NXN: variants seen among roughly 807,000 people sequenced by gnomAD.
NXN encodes nucleoredoxin.
In NXN, 16 loss-of-function variants were observed where a neutral mutation model predicts 48.6. That is an observed-to-expected ratio of 0.33 (90% confidence interval 0.22 to 0.50). The LOEUF (loss-of-function observed/expected upper bound fraction) is 0.50. Ranked by LOEUF, NXN falls within the 20% of genes least tolerant of loss-of-function variation. NXN has a pLI of 0.98. For synonymous variants in NXN, 281 were observed against 269.6 expected (o/e 1.04, Z -0.41); for missense variants, 492 against 605.5 (o/e 0.81, Z 1.97).
At chr17:934,449 GA>G (rs145868182) in intron 1 of NXN, among the ~76,000 whole-genome samples, 14,586 of 138,490 alleles carry the variant, frequency 0.11, 968 homozygotes, top group Middle Eastern at 0.21. Context: ...CTGTCTCAAA[GA>G]AAAAAAAAAA....
chr17:878,487 C>T (rs1344508795), intron 1 of NXN, among the ~76,000 whole-genome samples: 1 of 7,326 alleles, frequency 1.4e-4, no homozygotes, highest in Non-Finnish European at 2.6e-4. Flanking sequence ...GGTGTGGGGG[C>T]AGGGGAGGGG....
intron 1 of NXN, among the ~76,000 whole-genome samples, chr17:924,783 G>A (rs8076290): frequency 0.16 from 24,448 of 152,148 alleles, 2,985 homozygotes; most frequent in African/African-American, 0.34. Flanking sequence ...GCCTCATTCA[G>A]TTTTAAAATG....
chr17:860,023 G>A (rs2068025611), intron 1 of NXN, among the ~76,000 whole-genome samples: 1 of 152,176 alleles, frequency 6.6e-6, no homozygotes, highest in African/African-American at 2.4e-5. Context: ...AAGTTGGAAA[G>A]GGTGAGTCAG....
intron 1 of NXN, among the ~76,000 whole-genome samples, chr17:940,439 G>A (rs2068958536): frequency 6.6e-6 from 1 of 152,112 alleles, no homozygotes; most frequent in South Asian, 2.1e-4. Context: ...AGATGTTTTG[G>A]TAAAAAGAAG....
intron 5 of NXN, among the ~76,000 whole-genome samples, chr17:808,203 C>T (rs1911688778): frequency 6.6e-6 from 1 of 152,210 alleles, no homozygotes; most frequent in South Asian, 2.1e-4. Context: ...CCTCCCTCTG[C>T]TCCTGGGGGA....
intron 1 of NXN, chr17:959,150 C>T: frequency 1.7e-6 from 1 of 575,154 alleles, no homozygotes; most frequent in Admixed American, 3.8e-5. Flanking sequence ...GAGCCGAGCG[C>T]CCCTACGGAA....
At chr17:900,918 T>C (rs1387955224) in intron 1 of NXN, among the ~76,000 whole-genome samples, 10 of 102,718 alleles carry the variant, frequency 9.7e-5, no homozygotes, top group African/African-American at 3.8e-4. Context: ...GCATTCTTTT[T>C]TTTTTTTTTT....
chr17:961,146 C>T (rs112062352), intron 1 of NXN, among the ~76,000 whole-genome samples: 3,680 of 152,008 alleles, frequency 0.024, 122 homozygotes, highest in African/African-American at 0.083. Context: ...GTAATCCCAG[C>T]ACTTTGGGAG....
rs187150955 is a variant in NXN at position 967,110 on chromosome 17, C to A, written c.360+12209G>T. On this transcript the variant is annotated intron_variant, in intron 1 of 7. Transcript: ENST00000336868. Reference sequence around the variant, plus strand: ...CCTGATTTTTCTTGACAAGCCCCCCCACAGCCCCCAGGCCTGAGGCTCAGT... The same window carrying A: ...CCTGATTTTTCTTGACAAGCCCCCCAACAGCCCCCAGGCCTGAGGCTCAGT... Among the ~76,000 whole-genome samples, 885 of 151,870 alleles carry A rather than the reference C, an allele frequency of 5.8e-3. 4 individuals carry two copies. The highest frequency in any genetic ancestry group is 1.0e-2 in the Non-Finnish European group (677 of 68,014).
chr17:812,052 C>T (rs1321063761), intron 5 of NXN, among the ~76,000 whole-genome samples: 9 of 150,984 alleles, frequency 6.0e-5, no homozygotes, highest in South Asian at 2.1e-4. Flanking sequence ...CTCAGCCTCC[C>T]GAGTAGCTGG....
intron 1 of NXN, among the ~76,000 whole-genome samples, chr17:856,852 C>CTT (rs2067991590): frequency 3.3e-5 from 5 of 152,292 alleles, no homozygotes; most frequent in Admixed American, 3.3e-4. Context: ...CTGAGGCTTT[C>CTT]TCTACAGCTC....
At chr17:877,924 G>T (rs935473274) in intron 1 of NXN, 1 of 152,278 alleles carries the variant, frequency 6.6e-6, no homozygotes, top group Non-Finnish European at 1.5e-5. Flanking sequence ...GCTGCTAGGA[G>T]GGCCACGGGA....
chr17:869,174 C>A (rs924702677), intron 1 of NXN, among the ~76,000 whole-genome samples: 1 of 152,158 alleles, frequency 6.6e-6, no homozygotes, highest in Non-Finnish European at 1.5e-5. Flanking sequence ...ATCCTGCCTC[C>A]TGTTTGTTAA....
chr17:967,193 G>A (rs1209775473), intron 1 of NXN, among the ~76,000 whole-genome samples: 1 of 152,160 alleles, frequency 6.6e-6, no homozygotes, highest in African/African-American at 2.4e-5. Flanking sequence ...ACTCAGGCTT[G>A]GCCCTTTGGT....
chr17:897,163 G>C, intron 1 of NXN: 1 of 567,536 alleles, frequency 1.8e-6, no homozygotes, highest in Non-Finnish European at 2.4e-6. Flanking sequence ...CAGGTCCCAG[G>C]CAAGTCCGAG....
intron 1 of NXN, among the ~76,000 whole-genome samples, chr17:890,442 C>T (rs1268455019): frequency 2.0e-5 from 3 of 152,084 alleles, no homozygotes; most frequent in African/African-American, 4.8e-5. Flanking sequence ...GACACAATCT[C>T]GGTTCACTGC....
At position 914,850 on chromosome 17, in the gene NXN, AG is replaced by A. The variant is rs1406018548; in HGVS notation, c.360+64468del. Among the ~76,000 whole-genome samples the A allele has an allele frequency of 3.9e-5, 6 of 152,358 alleles. No homozygotes were observed. The East Asian group carries it at 7.7e-4, about 20-fold the overall frequency. On this transcript the variant is annotated intron_variant, in intron 1 of 7. Coordinates refer to ENST00000336868, the MANE Select transcript of NXN (RefSeq NM_022463.5). ...GAGCTGATGAGTGCGTGGAACCAACAGCACAGGCAAATAAAGCAAGCAAGTG... is the reference window on the plus strand; with the variant it reads ...GAGCTGATGAGTGCGTGGAACCAACACACAGGCAAATAAAGCAAGCAAGTG...
chr17:893,389 C>T (rs1284725434), intron 1 of NXN, among the ~76,000 whole-genome samples: 1 of 152,252 alleles, frequency 6.6e-6, no homozygotes, highest in African/African-American at 2.4e-5. Context: ...GCTTAAAAGA[C>T]AGCACCTTGG....
chr17:886,227 C>T (rs185472692), intron 1 of NXN, among the ~76,000 whole-genome samples: 32 of 152,156 alleles, frequency 2.1e-4, no homozygotes, highest in African/African-American at 3.1e-4. Flanking sequence ...AGGAAAACTA[C>T]GCAAGGCCAT....
Sources: gnomAD v4.1 joint callset for allele counts (sites outside exome capture counted in the v4.1 genomes callset) on GRCh38, gnomAD v4.1.1 for gene constraint, MANE v1.5 for transcripts, NCBI Gene and HGNC (gene_info 2026-07-23, HGNC 2026-07-21) for gene names.